Variants in ROBO2 observed in about 807,000 individuals in gnomAD.
The protein encoded by ROBO2 is roundabout guidance receptor 2, also known as roundabout homolog 2.
Under a neutral mutation model 160.8 loss-of-function variants are expected in ROBO2, and 53 were observed. The observed-to-expected ratio is 0.33, with a 90% CI of 0.26 to 0.41. ROBO2 has a LOEUF of 0.41. Ranked by LOEUF, ROBO2 falls within the 10% of genes least tolerant of loss-of-function variation. The pLI is 1.00. For missense variants in ROBO2, 1,577 were observed against 1,722.4 expected, an observed-to-expected ratio of 0.92 and a Z score of 1.49; for synonymous variants, 664 against 611.7, an observed-to-expected ratio of 1.09 and a Z score of -1.26.
intron 2 of ROBO2, among the ~76,000 whole-genome samples, chr3:77,429,140 C>T (rs1056082364): frequency 2.0e-5 from 3 of 152,150 alleles, no homozygotes; most frequent in African/African-American, 7.2e-5. Context: ...CACAAATCAG[C>T]TATTTATATC....
chr3:77,486,224 G>A (rs1325044152), intron 4 of ROBO2, among the ~76,000 whole-genome samples: 1 of 151,854 alleles, frequency 6.6e-6, no homozygotes, highest in Non-Finnish European at 1.5e-5. Flanking sequence ...TGTGAATAGT[G>A]CTACAATGAA....
At chr3:76,319,882 A>G (rs561055675) in intron 2 of ROBO2, among the ~76,000 whole-genome samples, 10 of 152,070 alleles carry the variant, frequency 6.6e-5, no homozygotes, top group African/African-American at 2.2e-4. Context: ...CAAGTAATCT[A>G]TGTAGGAATT....
chr3:77,225,057 A>G (rs2086311840), intron 2 of ROBO2, among the ~76,000 whole-genome samples: 1 of 151,886 alleles, frequency 6.6e-6, no homozygotes, highest in Non-Finnish European at 1.5e-5. Context: ...TGATTGATAC[A>G]TAATCATGAG....
intron 2 of ROBO2, among the ~76,000 whole-genome samples, chr3:77,133,837 A>C (rs2076056593): frequency 6.6e-6 from 1 of 152,162 alleles, no homozygotes; most frequent in African/African-American, 2.4e-5. Context: ...TCATTTTCTT[A>C]TCTATTTTAT....
intron 2 of ROBO2, among the ~76,000 whole-genome samples, chr3:76,227,192 T>C (rs577270724): frequency 2.6e-4 from 40 of 152,368 alleles, no homozygotes; most frequent in Middle Eastern, 3.4e-3. Flanking sequence ...TCAGATACTT[T>C]TTGAGAATTC....
chr3:76,513,317 G>T (rs1219669219), intron 2 of ROBO2, among the ~76,000 whole-genome samples: 1 of 151,912 alleles, frequency 6.6e-6, no homozygotes, highest in Admixed American at 6.6e-5. Flanking sequence ...AAATGTTCAG[G>T]TTATTGTGGG....
chr3:77,564,606 T>C, intron 11 of ROBO2: 5 of 406,344 alleles, frequency 1.2e-5, no homozygotes, highest in South Asian at 1.0e-4. Flanking sequence ...TATATATACA[T>C]TTACGAGGAC....
At chr3:76,433,336 A>T (rs2076524456) in intron 2 of ROBO2, among the ~76,000 whole-genome samples, 1 of 152,234 alleles carries the variant, frequency 6.6e-6, no homozygotes, top group South Asian at 2.1e-4. Flanking sequence ...TTTCAGATCA[A>T]CCATAAACAA....
At chr3:77,252,831 A>AAAAAAAATATATATATATATAT in intron 2 of ROBO2, among the ~76,000 whole-genome samples, 2 of 12,510 alleles carry the variant, frequency 1.6e-4, no homozygotes, top group African/African-American at 3.2e-4. Context: ...AAAAAAAAAA[A>AAAAAAAATATATATATATATAT]ATATATATAT....
At chr3:77,060,972 G>A (rs1010839940) in intron 1 of ROBO2, among the ~76,000 whole-genome samples, 1 of 151,034 alleles carries the variant, frequency 6.6e-6, no homozygotes, top group African/African-American at 2.4e-5. Context: ...GTCTTGCCCC[G>A]TCACCAAGGC....
chr3:77,307,594 G>A (rs548488219), intron 2 of ROBO2, among the ~76,000 whole-genome samples: 1 of 152,238 alleles, frequency 6.6e-6, no homozygotes, highest in East Asian at 1.9e-4. Flanking sequence ...GAAAAAGCAG[G>A]GGTGGGGGCA....
chr3:75,915,771 GATA>G (rs1417645919), intron 1 of ROBO2, among the ~76,000 whole-genome samples: 1 of 152,068 alleles, frequency 6.6e-6, no homozygotes, highest in Non-Finnish European at 1.5e-5. Context: ...TTATAGGGGA[GATA>G]ATAAAACTGA....
chr3:76,390,054 A>G (rs2077072735), intron 2 of ROBO2, among the ~76,000 whole-genome samples: 1 of 152,160 alleles, frequency 6.6e-6, no homozygotes, highest in Non-Finnish European at 1.5e-5. Context: ...CTTAGAATAA[A>G]AATTGTCTTC....
chr3:77,505,217 A>C (rs2088296399), intron 5 of ROBO2, among the ~76,000 whole-genome samples: 2 of 152,202 alleles, frequency 1.3e-5, no homozygotes, highest in African/African-American at 4.8e-5. Context: ...GAACAGAGAA[A>C]GTTTGGAAGT....
chr3:76,455,229 T>C (rs1046200921), intron 2 of ROBO2, among the ~76,000 whole-genome samples: 11 of 152,098 alleles, frequency 7.2e-5, no homozygotes, highest in Admixed American at 2.6e-4. Flanking sequence ...TTTCAAAAAA[T>C]TGAACTAGAA....
At chr3:76,967,511 CTTTTTTTTTT>C (rs59372235) in intron 2 of ROBO2, among the ~76,000 whole-genome samples, 10 of 55,388 alleles carry the variant, frequency 1.8e-4, no homozygotes, top group Admixed American at 2.3e-4. Context: ...CTGGCCAGCT[CTTTTTTTTTT>C]TTTTTTTTTT....
At chr3:77,027,140 C>G (rs1217682191) in intron 2 of ROBO2, among the ~76,000 whole-genome samples, 1 of 152,180 alleles carries the variant, frequency 6.6e-6, no homozygotes, top group African/African-American at 2.4e-5. Context: ...AAATATAATT[C>G]TGTTCCTCAG....
chr3:76,508,569 C>A (rs2107720035), intron 2 of ROBO2, among the ~76,000 whole-genome samples: 1 of 152,112 alleles, frequency 6.6e-6, no homozygotes, highest in East Asian at 1.9e-4. Flanking sequence ...AGGAAACATC[C>A]ATATCTATGT....
At chr3:77,397,839 G>C (rs184654139) in intron 2 of ROBO2, among the ~76,000 whole-genome samples, 19 of 151,968 alleles carry the variant, frequency 1.3e-4, no homozygotes, top group Non-Finnish European at 2.6e-4. Flanking sequence ...GCTTTGTACT[G>C]AGTTCTCAAT....
Sources: allele counts gnomAD v4.1 joint callset (sites outside exome capture counted in the v4.1 genomes callset), GRCh38; gene constraint gnomAD v4.1.1; transcripts MANE v1.5; gene names NCBI Gene and HGNC (gene_info 2026-07-23, HGNC 2026-07-21).